Variants in RGS12 observed in about 807,000 individuals in gnomAD.
The protein encoded by RGS12 is regulator of G protein signaling 12, also known as regulator of G-protein signaling 12.
In RGS12, 66 loss-of-function variants were observed where a neutral mutation model predicts 120.1. The ratio of observed to expected loss-of-function variants is 0.55; its 90% CI spans 0.45 to 0.67. RGS12 has a LOEUF of 0.67. Ranked by LOEUF, RGS12 falls within the 30% of genes least tolerant of loss-of-function variation. The pLI is 0.00. For missense variants in RGS12, 1,859 were observed against 1,957.7 expected (o/e 0.95, Z 0.95); for synonymous variants, 827 against 804.7 (o/e 1.03, Z -0.47).
chr4:3,414,463 CCG>C (rs969794340), intron 5 of RGS12: 2 of 603,372 alleles, frequency 3.3e-6, no homozygotes, highest in African/African-American at 3.7e-5. Context: ...CCTGGCCCTC[CCG>C]CTCTCTACTG....
At chr4:3,363,877 A>G (rs1045257413) in intron 3 of RGS12, among the ~76,000 whole-genome samples, 5 of 151,942 alleles carry the variant, frequency 3.3e-5, no homozygotes, top group African/African-American at 1.2e-4. Context: ...GCTGGGAGGT[A>G]CTTGAGGAGT....
chr4:3,324,799 C>T (rs1447643999), intron 2 of RGS12: 1 of 152,240 alleles, frequency 6.6e-6, no homozygotes, highest in Non-Finnish European at 1.5e-5. Flanking sequence ...TTCTTCCTAC[C>T]CATGTAGCTC....
chr4:3,290,616 G>C (rs945024854), upstream of RGS12, among the ~76,000 whole-genome samples: 1 of 152,258 alleles, frequency 6.6e-6, no homozygotes, highest in Admixed American at 6.5e-5. Context: ...CAACTCAGGA[G>C]TGCCTCCTTA....
At chr4:3,355,469 G>A (rs930089945) in intron 3 of RGS12, among the ~76,000 whole-genome samples, 3 of 152,066 alleles carry the variant, frequency 2.0e-5, no homozygotes, top group Non-Finnish European at 4.4e-5. Flanking sequence ...CGGATGATGT[G>A]ATTGTTACTG....
chr4:3,395,924 T>C (rs913223521), intron 4 of RGS12, among the ~76,000 whole-genome samples: 1 of 152,212 alleles, frequency 6.6e-6, no homozygotes, highest in African/African-American at 2.4e-5. Context: ...GTCCCTGATA[T>C]AAAATGGTGT....
chr4:3,379,100 G>A (rs182779209), intron 3 of RGS12, among the ~76,000 whole-genome samples: 38 of 151,912 alleles, frequency 2.5e-4, no homozygotes, highest in African/African-American at 9.2e-4. Flanking sequence ...CCTGCCATTT[G>A]CAACAACATG....
intron 3 of RGS12, among the ~76,000 whole-genome samples, chr4:3,347,041 G>T (rs970479605): frequency 6.6e-6 from 1 of 151,760 alleles, no homozygotes; most frequent in Non-Finnish European, 1.5e-5. Flanking sequence ...CATGTGAACA[G>T]TTTCCAAATT....
intron 3 of RGS12, among the ~76,000 whole-genome samples, chr4:3,377,004 T>G (rs181864573): frequency 2.0e-4 from 31 of 152,228 alleles, no homozygotes; most frequent in African/African-American, 7.0e-4. Context: ...CAAATTGGAT[T>G]GTTAAATTCT....
intron 16 of RGS12, among the ~76,000 whole-genome samples, chr4:3,429,937 T>G (rs1397853049): frequency 6.6e-6 from 1 of 152,112 alleles, no homozygotes; most frequent in Non-Finnish European, 1.5e-5. Context: ...CTACCACCCC[T>G]CCTCGGGTTC....
chr4:3,437,789 G>A (rs1381712167), intron 17 of RGS12, among the ~76,000 whole-genome samples: 2 of 152,212 alleles, frequency 1.3e-5, no homozygotes, highest in African/African-American at 2.4e-5. Flanking sequence ...CTGCTGCGTC[G>A]AGGCCAGGAT....
At chr4:3,309,665 G>GA (rs1353701164) in intron 1 of RGS12, among the ~76,000 whole-genome samples, 203 of 79,808 alleles carry the variant, frequency 2.5e-3, no homozygotes, top group African/African-American at 8.0e-3. Context: ...TGGGACCCTG[G>GA]AATGGCAGGT....
At chr4:3,336,982 T>C (rs1202200766) in intron 2 of RGS12, among the ~76,000 whole-genome samples, 1 of 151,292 alleles carries the variant, frequency 6.6e-6, no homozygotes, top group African/African-American at 2.4e-5. Context: ...AGATCCAGTG[T>C]GAAACTGTGA....
chr4:3,300,694 G>A (rs1723638003), intron 1 of RGS12, among the ~76,000 whole-genome samples: 1 of 152,202 alleles, frequency 6.6e-6, no homozygotes, highest in African/African-American at 2.4e-5. Flanking sequence ...TGCTAGGCTT[G>A]TGTTTGCATT....
At chr4:3,415,889 G>A (rs1016891946) in intron 6 of RGS12, 89 bp from the exon 7 acceptor site, 1 of 1,426,406 alleles carries the variant, frequency 7.0e-7, no homozygotes, top group Non-Finnish European at 9.5e-7. Flanking sequence ...GAACACATCT[G>A]TAGAGCCCGG....
At chr4:3,308,205 G>A (rs916275731) in intron 1 of RGS12, among the ~76,000 whole-genome samples, 1 of 152,220 alleles carries the variant, frequency 6.6e-6, no homozygotes, top group Non-Finnish European at 1.5e-5. Flanking sequence ...TCCTCCCAAC[G>A]CCTGCAGCAC....
intron 1 of RGS12, among the ~76,000 whole-genome samples, chr4:3,301,514 G>A (rs34628563): frequency 0.08 from 12,208 of 152,192 alleles, 652 homozygotes; most frequent in African/African-American, 0.15. Context: ...AGAAAAATTG[G>A]TTTCAGTCTT....
chr4:3,351,270 C>CTT, intron 3 of RGS12, among the ~76,000 whole-genome samples: 1 of 151,862 alleles, frequency 6.6e-6, no homozygotes, highest in Middle Eastern at 3.4e-3. Flanking sequence ...TGTTTGTTTG[C>CTT]TTTTTCTGGC....
intron 1 of RGS12, among the ~76,000 whole-genome samples, chr4:3,303,578 C>T (rs1723803081): frequency 6.6e-6 from 1 of 152,204 alleles, no homozygotes; most frequent in African/African-American, 2.4e-5. Context: ...TCCTCAGCAA[C>T]TTGAGCTTGC....
chr4:3,404,681 G>T (rs1720932821), intron 4 of RGS12, among the ~76,000 whole-genome samples: 2 of 152,238 alleles, frequency 1.3e-5, no homozygotes, highest in African/African-American at 4.8e-5. Flanking sequence ...GGGATGTGTG[G>T]ATGGAGAGAT....
Sources: gnomAD v4.1 joint callset for allele counts (sites outside exome capture counted in the v4.1 genomes callset) on GRCh38, gnomAD v4.1.1 for gene constraint, MANE v1.5 for transcripts, NCBI Gene and HGNC (gene_info 2026-07-23, HGNC 2026-07-21) for gene names.